Variants in RELN observed in about 807,000 individuals in gnomAD.
RELN encodes the protein reelin.
In RELN, 108 loss-of-function variants were observed where a neutral mutation model predicts 427.6. The ratio of observed to expected loss-of-function variants is 0.25; its 90% CI spans 0.22 to 0.30. The LOEUF (loss-of-function observed/expected upper bound fraction) is 0.30, where lower values mean the gene tolerates loss of function less well. RELN is among the 10% of genes least tolerant of loss of function. RELN has a pLI of 1.00. For missense variants in RELN, 3,715 were observed against 4,302.8 expected (o/e 0.86, Z 3.82); for synonymous variants, 1,524 against 1,513.4 (o/e 1.01, Z -0.16).
In RELN at chr7:103,563,769, T is replaced by C. The variant is rs1830688757; in HGVS notation, c.5210+1509A>G. 2.0e-5 allele frequency among the ~76,000 whole-genome samples: 3 copies of C among 152,202 alleles called. No individual in the cohort carries two copies. The highest frequency in any genetic ancestry group is 2.0e-4 in the Admixed American group (3 of 15,274). ...TACAAGTGTACCATTTAAAAATCTT[T>C]TATACCATATTTTTATTGTACCTTT... On this transcript the variant is annotated intron_variant, in intron 34 of 64. Coordinates refer to ENST00000428762, the MANE Select transcript of RELN (RefSeq NM_005045.4). The surrounding 1 kb of genome is among the most constrained non-coding windows in gnomAD (Gnocchi z 4.1).
chr7:103,821,553 G>T (rs78680825), intron 3 of RELN, among the ~76,000 whole-genome samples: 14,479 of 152,160 alleles, frequency 0.095, 838 homozygotes, highest in Non-Finnish European at 0.13. Context: ...CAAAATTAAA[G>T]AATACTTTAG....
In RELN at chr7:103,723,126, T is replaced by TA. The variant is rs747156541; in HGVS notation, c.805+13dup. ...TTCCAAATTAAATCGTTATAACTGC[T>TA]AAAAAACACTTACCAATGGAAAATT... is the stretch of plus-strand genomic sequence containing the variant. On this transcript the variant is annotated intron_variant, in intron 8 of 64. Coordinates refer to ENST00000428762, the MANE Select transcript of RELN (RefSeq NM_005045.4). 1.0e-5 allele frequency: 16 copies of TA among 1,555,136 alleles called. No individual in the cohort carries two copies. The highest frequency in any genetic ancestry group is 1.4e-5 in the African/African-American group (1 of 73,792).
Position 103,698,027 on chromosome 7 carries a change from A to T in RELN, c.969T>A (p.Asn323Lys). 1 of 1,613,810 alleles carries T rather than the reference A, an allele frequency of 6.2e-7. No homozygotes were observed. Among genetic ancestry groups the T allele is most frequent in the Non-Finnish European group, 8.5e-7 (1 of 1,179,824 alleles). The change falls in exon 10 of 65, where the codon AAT (asparagine) becomes AAA (lysine). Residue 323 changes from asparagine to lysine, a missense_variant. Asn to Lys is a moderately conservative substitution (Grantham distance 94, BLOSUM62 0). This residue lies in a region of RELN where 2,208 missense variants were observed against 2,361.7 expected (regional missense o/e 0.93). Coordinates refer to ENST00000428762, the MANE Select transcript of RELN (RefSeq NM_005045.4). ...TTTCCTGCTTCCACTGAAATTGGAC[A>T]TTCTCCCCTTTGGCGTCCTCAGGAA... The part of the protein sequence containing the change: ...LYLPEDAKGE[N>K]VQFQWKQENL...
intron 3 of RELN, among the ~76,000 whole-genome samples, chr7:103,784,456 T>G (rs1335309845): frequency 1.3e-5 from 2 of 152,166 alleles, no homozygotes; most frequent in Non-Finnish European, 2.9e-5. Flanking sequence ...TTTCGAAAAC[T>G]GAATGCAGGA....
chr7:103,493,735 T>A (rs1204708241), intron 57 of RELN, among the ~76,000 whole-genome samples: 1 of 152,076 alleles, frequency 6.6e-6, no homozygotes, highest in Non-Finnish European at 1.5e-5. Context: ...CCCAGAAGCC[T>A]AGGGGAAAGA....
chr7:103,907,015 C>T (rs1207502802), intron 2 of RELN, among the ~76,000 whole-genome samples: 5 of 152,112 alleles, frequency 3.3e-5, no homozygotes, highest in African/African-American at 9.7e-5. Flanking sequence ...AAATATCCAT[C>T]CACTAAACAA....
At chr7:103,540,544 G>GT in intron 43 of RELN, 89 bp from the exon 44 acceptor site, 1 of 1,205,938 alleles carries the variant, frequency 8.3e-7, no homozygotes, top group Non-Finnish European at 1.2e-6. Flanking sequence ...TAATGCAGGG[G>GT]AACGAAAGGC....
intron 14 of RELN, 68 bp from the exon 15 acceptor site, chr7:103,651,857 T>C: frequency 6.6e-7 from 1 of 1,525,402 alleles, no homozygotes. Flanking sequence ...AATGAAATTT[T>C]CAACTCTGGT....
chr7:103,964,536 A>G (rs886201163), intron 1 of RELN, among the ~76,000 whole-genome samples: 1 of 152,220 alleles, frequency 6.6e-6, no homozygotes, highest in Admixed American at 6.5e-5. Context: ...ACTTACAATT[A>G]CCACAACTAT....
At chr7:103,602,236 T>G (rs1326271827) in intron 24 of RELN, among the ~76,000 whole-genome samples, 10 of 152,212 alleles carry the variant, frequency 6.6e-5, no homozygotes, top group Admixed American at 6.5e-4. Context: ...TCCATATCCC[T>G]GCTTTACAGA....
In RELN at chr7:103,743,525, G is replaced by A. The variant is rs566334336; in HGVS notation, c.656+5901C>T. Among the ~76,000 whole-genome samples, 704 of 152,196 alleles carry A rather than the reference G, an allele frequency of 4.6e-3. 6 individuals are homozygous for A. The highest frequency in any genetic ancestry group is 0.016 in the African/African-American group (653 of 41,510). On this transcript the variant is annotated intron_variant, in intron 6 of 64. Transcript: ENST00000428762. ...GCTGTATTCAGGAAACCCATCTCAC[G>A]TGCAGAGACATACATAGGCTCAAAA...
chr7:103,780,960 T>G (rs1485031523), intron 3 of RELN, among the ~76,000 whole-genome samples: 1 of 152,166 alleles, frequency 6.6e-6, no homozygotes, highest in Non-Finnish European at 1.5e-5. Flanking sequence ...CCCTGGAACA[T>G]ACGTGGATAC....
intron 8 of RELN, among the ~76,000 whole-genome samples, chr7:103,710,006 A>G (rs1789753619): frequency 6.6e-6 from 1 of 152,248 alleles, no homozygotes; most frequent in Non-Finnish European, 1.5e-5. Flanking sequence ...GGAAGTGTCA[A>G]TAAGACAAAT....
chr7:103,671,633 T>C (rs1461271948), intron 11 of RELN, among the ~76,000 whole-genome samples: 1 of 152,156 alleles, frequency 6.6e-6, no homozygotes, highest in Non-Finnish European at 1.5e-5. Context: ...ATGAGTGTTT[T>C]TACTTTTTTC....
Position 103,483,710 on chromosome 7 carries a change from G to C in RELN, c.10124C>G (p.Ala3375Gly). The part of the protein sequence containing the change: ...VNNGITWHVI[A>G]QHQPKDFTQA... ...TGTGAAGTCCTTTGGCTGGTGCTGGGCGATGACATGCCAGGTGATCCCGTT... is the reference window on the plus strand; with the variant it reads ...TGTGAAGTCCTTTGGCTGGTGCTGGCCGATGACATGCCAGGTGATCCCGTT... Residue 3375 changes from alanine to glycine, a missense_variant, in exon 62 of 65, where the codon GCC (alanine) becomes GGC (glycine). Ala to Gly is a moderately conservative substitution (Grantham distance 60, BLOSUM62 0). Around this residue, in one of 4 missense-constraint regions of RELN, gnomAD observed 195 missense variants for 281.3 expected, o/e 0.69. Transcript: ENST00000428762. The C allele has an allele frequency of 6.2e-7, 1 of 1,614,152 alleles. No individual in the cohort carries two copies. Among genetic ancestry groups the C allele is most frequent in the Non-Finnish European group, 8.5e-7 (1 of 1,180,014 alleles).
At chr7:103,901,401 G>A (rs1381890237) in intron 2 of RELN, among the ~76,000 whole-genome samples, 2 of 151,870 alleles carry the variant, frequency 1.3e-5, no homozygotes, top group African/African-American at 4.8e-5. Flanking sequence ...CTACACCCAG[G>A]TATATACTCA....
intron 62 of RELN, 151 bp downstream of exon 62, chr7:103,483,502 G>T: frequency 1.2e-6 from 1 of 820,218 alleles, no homozygotes. Context: ...ACAGCACTTT[G>T]GAGATCTGGG....
intron 8 of RELN, among the ~76,000 whole-genome samples, chr7:103,706,231 A>C (rs538076947): frequency 6.6e-6 from 1 of 152,020 alleles, no homozygotes; most frequent in South Asian, 2.1e-4. Flanking sequence ...TGTTAAAAAA[A>C]AAAAAGGAGC....
intron 11 of RELN, among the ~76,000 whole-genome samples, chr7:103,671,102 G>A (rs773594742): frequency 6.6e-6 from 1 of 152,080 alleles, no homozygotes; most frequent in African/African-American, 2.4e-5. Flanking sequence ...TGTGCCATAG[G>A]TGAAGACCTT....
Sources: gnomAD v4.1 joint callset for allele counts (sites outside exome capture counted in the v4.1 genomes callset) on GRCh38, gnomAD v4.1.1 for gene constraint, gnomAD v4.1.1 regional missense constraint, Gnocchi (gnomAD v3.1) non-coding constraint, MANE v1.5 for transcripts, NCBI Gene and HGNC (gene_info 2026-07-23, HGNC 2026-07-21) for gene names.